The following MAGI2 variants were observed in gnomAD, a reference collection of about 807,000 sequenced individuals.
MAGI2 encodes membrane-associated guanylate kinase, WW and PDZ domain-containing protein 2.
MAGI2 carries 35 observed loss-of-function variants against 133.3 expected under a neutral mutation model. That is an observed-to-expected ratio of 0.26 (90% CI 0.20 to 0.35). The LOEUF (loss-of-function observed/expected upper bound fraction) is 0.35, where lower values mean the gene tolerates loss of function less well. Ranked by LOEUF, MAGI2 falls within the 10% of genes least tolerant of loss-of-function variation. MAGI2 has a pLI of 1.00. For synonymous variants in MAGI2, 729 were observed against 710.6 expected (o/e 1.03, Z -0.41); for missense variants, 1,636 against 1,863.4 (o/e 0.88, Z 2.25).
intron 21 of MAGI2, among the ~76,000 whole-genome samples, chr7:78,027,780 A>G (rs1467931779): frequency 6.6e-6 from 1 of 152,226 alleles, no homozygotes; most frequent in African/African-American, 2.4e-5. Context: ...AATTGAAAAT[A>G]TATTAGATAC....
chr7:78,524,243 C>G (rs1031204828), intron 3 of MAGI2, among the ~76,000 whole-genome samples: 1 of 152,150 alleles, frequency 6.6e-6, no homozygotes, highest in African/African-American at 2.4e-5. Context: ...CTCTCCCTGC[C>G]CCTGCTACCC....
At chr7:78,535,842 C>T (rs1454455498) in intron 3 of MAGI2, among the ~76,000 whole-genome samples, 6 of 151,302 alleles carry the variant, frequency 4.0e-5, no homozygotes, top group Non-Finnish European at 8.8e-5. Flanking sequence ...CCACCTAGAT[C>T]GAGAACCTGG....
At chr7:79,244,143 T>C (rs1164506760) in intron 1 of MAGI2, among the ~76,000 whole-genome samples, 1 of 152,178 alleles carries the variant, frequency 6.6e-6, no homozygotes, top group Non-Finnish European at 1.5e-5. Flanking sequence ...CTAGAAAATG[T>C]TTTTCTCTAT....
intron 2 of MAGI2, among the ~76,000 whole-genome samples, chr7:78,686,595 C>T (rs1270669306): frequency 6.8e-6 from 1 of 147,698 alleles, no homozygotes; most frequent in African/African-American, 2.5e-5. Flanking sequence ...TGAAGAATTT[C>T]ATAGATGAAA....
intron 6 of MAGI2, among the ~76,000 whole-genome samples, chr7:78,403,018 T>C (rs1020301651): frequency 2.0e-5 from 3 of 152,260 alleles, no homozygotes; most frequent in Non-Finnish European, 2.9e-5. Context: ...TTTAAAATTA[T>C]ACTTCAAGTC....
chr7:78,546,121 G>A (rs1798811323), intron 3 of MAGI2, among the ~76,000 whole-genome samples: 1 of 152,162 alleles, frequency 6.6e-6, no homozygotes, highest in East Asian at 1.9e-4. Context: ...AGTTTCCTAA[G>A]TTCTTTGAGT....
At chr7:78,787,150 G>A (rs550934983) in intron 2 of MAGI2, among the ~76,000 whole-genome samples, 2 of 152,166 alleles carry the variant, frequency 1.3e-5, no homozygotes, top group South Asian at 2.1e-4. Flanking sequence ...GTTTCACCAT[G>A]TTGGCCAGGC....
chr7:78,135,114 C>T lies in MAGI2; in HGVS notation c.2938G>A (p.Gly980Ser), dbSNP rs1406099237. ...KVGDRILAVN[G>S]QSIINMPHAD... ...TGAGGCATGTTGATGATAGACTGGCCATTCACTGCTAGGATCCGGTCTCCC... is the reference window on the plus strand; with the variant it reads ...TGAGGCATGTTGATGATAGACTGGCTATTCACTGCTAGGATCCGGTCTCCC... The change falls in exon 17 of 22, where the codon GGC (glycine) becomes AGC (serine). Residue 980 changes from glycine to serine, a missense_variant. Transcript: ENST00000354212. 4 of 1,614,094 alleles carry T rather than the reference C, an allele frequency of 2.5e-6. No individual in the cohort carries two copies. The highest frequency in any genetic ancestry group is 1.7e-6 in the Non-Finnish European group (2 of 1,179,986).
intron 3 of MAGI2, among the ~76,000 whole-genome samples, chr7:78,528,261 G>C (rs548723348): frequency 2.6e-5 from 4 of 152,244 alleles, no homozygotes; most frequent in African/African-American, 9.6e-5. Context: ...TGACTCTGAC[G>C]TTAAACAGAG....
chr7:78,380,220 T>C (rs1226476214), intron 6 of MAGI2, among the ~76,000 whole-genome samples: 1 of 151,922 alleles, frequency 6.6e-6, no homozygotes, highest in East Asian at 1.9e-4. Flanking sequence ...CTATTTCTTT[T>C]TTTAAAAAAG....
intron 20 of MAGI2, among the ~76,000 whole-genome samples, chr7:78,110,945 C>A (rs955238029): frequency 6.6e-6 from 1 of 152,172 alleles, no homozygotes; most frequent in Non-Finnish European, 1.5e-5. Flanking sequence ...GCCATGCAAA[C>A]CAAATCCTGT....
chr7:79,011,643 A>G (rs1005485322), intron 1 of MAGI2, among the ~76,000 whole-genome samples: 1 of 152,156 alleles, frequency 6.6e-6, no homozygotes, highest in East Asian at 1.9e-4. Context: ...GAGAGGGGAA[A>G]GGTGGGGATG....
chr7:79,439,551 A>C (rs1159210998), intron 1 of MAGI2, among the ~76,000 whole-genome samples: 3 of 152,056 alleles, frequency 2.0e-5, no homozygotes, highest in Non-Finnish European at 2.9e-5. Context: ...ACAGTGTTTT[A>C]AAGTTTGCTT....
At chr7:78,864,522 C>T (rs1563596720) in intron 2 of MAGI2, among the ~76,000 whole-genome samples, 1 of 152,176 alleles carries the variant, frequency 6.6e-6, no homozygotes. Flanking sequence ...TATAATTAGT[C>T]CTGCTGATAT....
intron 1 of MAGI2, among the ~76,000 whole-genome samples, chr7:79,160,638 A>C (rs552650446): frequency 6.6e-6 from 1 of 152,188 alleles, no homozygotes; most frequent in Non-Finnish European, 1.5e-5. Flanking sequence ...CCAAATGCAC[A>C]GGAAATTAGT....
At chr7:78,213,168 A>T (rs1280810300) in intron 10 of MAGI2, among the ~76,000 whole-genome samples, 2 of 137,210 alleles carry the variant, frequency 1.5e-5, no homozygotes, top group South Asian at 4.6e-4. Flanking sequence ...GACTATAGCA[A>T]GAGCATTTGC....
At chr7:79,083,653 G>T (rs1816247417) in intron 1 of MAGI2, among the ~76,000 whole-genome samples, 1 of 151,384 alleles carries the variant, frequency 6.6e-6, no homozygotes, top group Admixed American at 6.6e-5. Flanking sequence ...TGTATTTGTT[G>T]GGTTATTATA....
chr7:79,296,748 G>GAGGA, intron 1 of MAGI2, among the ~76,000 whole-genome samples: 2 of 152,126 alleles, frequency 1.3e-5, no homozygotes, highest in Non-Finnish European at 1.5e-5. Context: ...AGGGGAGAAT[G>GAGGA]AGGAAGGTTG....
At chr7:79,151,333 A>G (rs1293782938) in intron 1 of MAGI2, among the ~76,000 whole-genome samples, 1 of 152,200 alleles carries the variant, frequency 6.6e-6, no homozygotes, top group Non-Finnish European at 1.5e-5. Context: ...AAAGATGAAC[A>G]ATCTAACATT....
Sources: gnomAD v4.1 joint callset for allele counts (sites outside exome capture counted in the v4.1 genomes callset) on GRCh38, gnomAD v4.1.1 for gene constraint, MANE v1.5 for transcripts, NCBI Gene and HGNC (gene_info 2026-07-23, HGNC 2026-07-21) for gene names.